Variants in SGPP2 observed in about 807,000 individuals in gnomAD.
SGPP2 encodes sphingosine-1-phosphate phosphatase 2, also known as sphingosine 1-phosphate phosphohydrolase 2.
SGPP2 carries 30 observed loss-of-function variants against 33.9 expected under a neutral mutation model. The ratio of observed to expected loss-of-function variants is 0.89; its 90% CI spans 0.66 to 1.20. The LOEUF (loss-of-function observed/expected upper bound fraction) is 1.20. Ranked by LOEUF, SGPP2 falls within the 50% of genes most tolerant of loss-of-function variation. The pLI is 0.00. For missense variants in SGPP2, 458 were observed against 532.1 expected, an observed-to-expected ratio of 0.86 and a Z score of 1.37; for synonymous variants, 233 against 225.0, an observed-to-expected ratio of 1.04 and a Z score of -0.32.
intron 4 of SGPP2, among the ~76,000 whole-genome samples, chr2:222,544,424 G>A (rs185816413): frequency 1.2e-3 from 176 of 152,286 alleles, no homozygotes; most frequent in Middle Eastern, 3.4e-3. Flanking sequence ...CTTGGTATAG[G>A]TGGGAGACTG....
intron 4 of SGPP2, among the ~76,000 whole-genome samples, chr2:222,553,130 G>C: frequency 6.6e-6 from 1 of 152,188 alleles, no homozygotes; most frequent in East Asian, 1.9e-4. Context: ...GCAAGAAAGG[G>C]CTTTTGGAGT....
chr2:222,504,287 G>A (rs1056284193), intron 2 of SGPP2: 2 of 152,276 alleles, frequency 1.3e-5, no homozygotes, highest in Non-Finnish European at 2.9e-5. Flanking sequence ...ACTACAGCTT[G>A]CTGGAGGAGT....
chr2:222,505,806 G>T (rs1237995909), intron 2 of SGPP2, among the ~76,000 whole-genome samples: 1 of 151,650 alleles, frequency 6.6e-6, no homozygotes, highest in African/African-American at 2.4e-5. Flanking sequence ...TTGGCAGCAG[G>T]TACCTGTAGT....
chr2:222,475,172 C>G (rs181416427), intron 2 of SGPP2, among the ~76,000 whole-genome samples: 1 of 152,140 alleles, frequency 6.6e-6, no homozygotes. Flanking sequence ...CAGGTTCAAG[C>G]GATTCTCCTG....
chr2:222,452,372 A>C, intron 1 of SGPP2: 1 of 726,322 alleles, frequency 1.4e-6, no homozygotes, highest in Non-Finnish European at 2.5e-6. Flanking sequence ...CCCAGAGTCA[A>C]ATTGAGTAAT....
At chr2:222,515,736 G>A (rs1411194254) in intron 2 of SGPP2, among the ~76,000 whole-genome samples, 1 of 151,550 alleles carries the variant, frequency 6.6e-6, no homozygotes, top group East Asian at 2.0e-4. Flanking sequence ...GTTCACACAT[G>A]TTTAAAATAT....
At chr2:222,493,313 A>C (rs1559159950) in intron 2 of SGPP2, among the ~76,000 whole-genome samples, 2 of 152,226 alleles carry the variant, frequency 1.3e-5, no homozygotes, top group African/African-American at 2.4e-5. Context: ...ACAAGGTGGC[A>C]GGTGAGAGAG....
At position 222,465,238 on chromosome 2, in the gene SGPP2, G is replaced by A. The variant is rs980127557; in HGVS notation, c.220-9330G>A. Among the ~76,000 whole-genome samples, 13 of 152,136 alleles carry A rather than the reference G, an allele frequency of 8.5e-5. No homozygotes were observed. The highest frequency in any genetic ancestry group is 3.1e-4 in the African/African-American group (13 of 41,436). On this transcript the variant is annotated intron_variant, in intron 1 of 4. Transcript: ENST00000321276. This position sits in a 1 kb window ranked among gnomAD's most constrained non-coding sequence, Gnocchi z 4.1. ...ATCCTGAAATTTTAATCACCTGAGC[G>A]CTGCTTAGACATTGGCTAGATCACC...
At chr2:222,479,155 T>A (rs1387379161) in intron 2 of SGPP2, among the ~76,000 whole-genome samples, 1 of 152,164 alleles carries the variant, frequency 6.6e-6, no homozygotes, top group East Asian at 1.9e-4. Flanking sequence ...GCAAGGTGGA[T>A]TTGCTCCTGC....
chr2:222,442,685 A>T (rs181468418), intron 1 of SGPP2, among the ~76,000 whole-genome samples: 5 of 152,256 alleles, frequency 3.3e-5, no homozygotes, highest in African/African-American at 7.2e-5. Context: ...AGAATCTAAA[A>T]TGCTTTTTAA....
At position 222,452,432 on chromosome 2, in the gene SGPP2, A is replaced by G. The variant is rs941391793; in HGVS notation, c.220-22136A>G. 5.1e-6 allele frequency: 4 copies of G among 777,162 alleles called. No individual in the cohort carries two copies. In the African/African-American group the frequency reaches 6.8e-5, roughly 13 times the overall value. The allele number at this position is 777,162 out of a possible 1,614,324, so 48.1% of individuals were successfully genotyped here. ...TCTTCAAGTTGTATGTTCATGGAGT[A>G]GTTTAGGAATAAATCCATGGTTTGT... On this transcript the variant is annotated intron_variant, in intron 1 of 4. Transcript: ENST00000321276.
chr2:222,504,568 C>G (rs1454599574), intron 2 of SGPP2: 1 of 152,202 alleles, frequency 6.6e-6, no homozygotes. Flanking sequence ...GTGCGGTGGG[C>G]TCTATGATGT....
intron 2 of SGPP2, among the ~76,000 whole-genome samples, chr2:222,480,307 C>A (rs34227415): frequency 5.8e-4 from 88 of 152,226 alleles, no homozygotes; most frequent in Non-Finnish European, 1.1e-3. Context: ...GACACCGCAA[C>A]TCATCCTGGG....
chr2:222,439,691 C>G (rs2106065305), intron 1 of SGPP2, among the ~76,000 whole-genome samples: 1 of 152,280 alleles, frequency 6.6e-6, no homozygotes, highest in East Asian at 1.9e-4. Context: ...AAGCCAATTT[C>G]AAAAGATCAA....
chr2:222,554,682 CGAG>C (rs1264323845), intron 4 of SGPP2, among the ~76,000 whole-genome samples: 1 of 152,056 alleles, frequency 6.6e-6, no homozygotes, highest in African/African-American at 2.4e-5. Context: ...CAGGGACAGG[CGAG>C]GAGTTGATTC....
intron 1 of SGPP2, chr2:222,453,056 C>A (rs533351530): frequency 7.1e-7 from 1 of 1,417,726 alleles, no homozygotes; most frequent in Non-Finnish European, 1.0e-6. Context: ...TCTTTTGTGG[C>A]GCTATTCTCT....
At chr2:222,433,114 G>A (rs1001466076) in intron 1 of SGPP2, among the ~76,000 whole-genome samples, 13 of 150,442 alleles carry the variant, frequency 8.6e-5, no homozygotes, top group Non-Finnish European at 1.9e-4. Context: ...GAGGGGAGGG[G>A]ACAGGCAAAG....
intron 1 of SGPP2, among the ~76,000 whole-genome samples, chr2:222,444,880 A>T (rs938357756): frequency 6.6e-6 from 1 of 152,186 alleles, no homozygotes; most frequent in African/African-American, 2.4e-5. Context: ...CATGCATAAG[A>T]CTAAAATATT....
chr2:222,437,530 G>C (rs1233399726), intron 1 of SGPP2, among the ~76,000 whole-genome samples: 1 of 152,304 alleles, frequency 6.6e-6, no homozygotes, highest in Admixed American at 6.5e-5. Flanking sequence ...GGTGCAGGCT[G>C]GGGGAGAGAA....
Sources: allele counts gnomAD v4.1 joint callset (sites outside exome capture counted in the v4.1 genomes callset), GRCh38; gene constraint gnomAD v4.1.1; non-coding constraint Gnocchi (gnomAD v3.1); transcripts MANE v1.5; gene names NCBI Gene and HGNC (gene_info 2026-07-23, HGNC 2026-07-21).